INSC: variants seen among roughly 807,000 people sequenced by gnomAD.
INSC encodes the protein protein inscuteable homolog.
A neutral mutation model predicts 58.6 loss-of-function variants in INSC; 67 were observed. The observed-to-expected ratio is 1.14, with a 90% CI of 0.94 to 1.40. The LOEUF (loss-of-function observed/expected upper bound fraction) is 1.40, where lower values mean the gene tolerates loss of function less well. Among genes scored for constraint, INSC ranks in the 40% most tolerant of loss-of-function variants. The probability of loss-of-function intolerance (pLI) is 0.00; values close to 1 mark genes in which losing one functional copy is unlikely to be tolerated. For synonymous variants in INSC, 262 were observed against 276.1 expected (o/e 0.95, Z 0.51); for missense variants, 714 against 692.0 (o/e 1.03, Z -0.36).
intron 1 of INSC, among the ~76,000 whole-genome samples, chr11:15,130,002 C>T (rs1388699967): frequency 1.3e-5 from 2 of 152,224 alleles, no homozygotes; most frequent in African/African-American, 4.8e-5. Context: ...TGCTGTTATG[C>T]ACAGGCAGAT....
chr11:15,200,938 C>T lies in INSC; in HGVS notation c.808C>T (p.Gln270Ter). Residue 270 changes from glutamine (Q) to a stop codon, truncating the protein, a stop_gained, in exon 7 of 13, where the codon CAG (glutamine) becomes TAG (stop). Coordinates refer to ENST00000379556, the MANE Select transcript of INSC (RefSeq NM_001042536.3). LOFTEE classifies it high-confidence loss of function. The stretch of plus-strand genomic sequence containing the variant: ...CTGCTGCGTGGAAGAGGGTGTCCAC[C>T]AGCTGGAGAAGGTAAGGACAGCTGG... ...SICCVEEGVHQLEKVDGVLCL... is the reference protein window; with the variant it reads ...SICCVEEGVH The T allele has an allele frequency of 6.2e-7, 1 of 1,606,726 alleles. No homozygotes were observed. Among genetic ancestry groups the T allele is most frequent in the South Asian group, 1.1e-5 (1 of 89,954 alleles).
intron 2 of INSC, among the ~76,000 whole-genome samples, chr11:15,149,732 G>C (rs894472922): frequency 3.9e-5 from 6 of 152,192 alleles, no homozygotes. Flanking sequence ...AGAACATCCT[G>C]TCTGAAGAAG....
rs368344814 is a variant in INSC at position 15,239,065 on chromosome 11, C to T, written c.1384C>T (p.Arg462Trp). 5.6e-5 allele frequency: 91 copies of T among 1,612,116 alleles called. No individual in the cohort carries two copies. The highest frequency in any genetic ancestry group is 6.8e-5 in the Non-Finnish European group (80 of 1,179,428). ...RDPDVAREAV[R>W]LSCMSRLIEL... ...CCCAGATGTGGCACGGGAGGCCGTG[C>T]GGCTCAGCTGTGAGTGGTGCTTTCT... The change falls in exon 11 of 13, where the codon CGG becomes TGG. Residue 462 changes from arginine to tryptophan, a missense_variant. Coordinates refer to ENST00000379556, the MANE Select transcript of INSC (RefSeq NM_001042536.3).
chr11:15,212,954 A>T (rs1407648004), intron 7 of INSC, among the ~76,000 whole-genome samples: 1 of 152,230 alleles, frequency 6.6e-6, no homozygotes, highest in Non-Finnish European at 1.5e-5. Context: ...ATTATTAAGT[A>T]TGATACCATT....
chr11:15,193,006 A>G (rs905413831), intron 6 of INSC, among the ~76,000 whole-genome samples: 1 of 152,236 alleles, frequency 6.6e-6, no homozygotes, highest in Admixed American at 6.5e-5. Context: ...ATACAAATGA[A>G]GACGCTGAGG....
intron 1 of INSC, among the ~76,000 whole-genome samples, chr11:15,146,453 G>A (rs1400378363): frequency 6.6e-6 from 1 of 152,182 alleles, no homozygotes; most frequent in African/African-American, 2.4e-5. Context: ...TGTCCTTAGG[G>A]TGCCTCCCCA....
At chr11:15,149,631 CTTG>C (rs973510545) in intron 2 of INSC, among the ~76,000 whole-genome samples, 4 of 152,180 alleles carry the variant, frequency 2.6e-5, no homozygotes. Context: ...TTGGGAAGTA[CTTG>C]TTGTCCTGAG....
In INSC at chr11:15,128,026, T is replaced by C. The variant is rs116034096; in HGVS notation, c.-46+13023T>C. 7.7e-3 allele frequency among the ~76,000 whole-genome samples: 1,170 copies of C among 152,074 alleles called. 14 individuals are homozygous for C. Among genetic ancestry groups the C allele is most frequent in the African/African-American group, 0.027 (1,118 of 41,486 alleles). ...AAAAAAGTGAAAGAAAGAACTTGAGTTCTAATCTGGGTTCTACCACAAATT... is the reference window on the plus strand; with the variant it reads ...AAAAAAGTGAAAGAAAGAACTTGAGCTCTAATCTGGGTTCTACCACAAATT... On this transcript the variant is annotated intron_variant, in intron 1 of 12. Coordinates refer to ENST00000379556, the MANE Select transcript of INSC (RefSeq NM_001042536.3).
At chr11:15,200,690 G>C in intron 6 of INSC, 134 bp from the exon 7 acceptor site, 1 of 1,050,660 alleles carries the variant, frequency 9.5e-7, no homozygotes, top group Non-Finnish European at 1.4e-6. Context: ...GTGTAAGTGT[G>C]TGTGGGGCGG....
In INSC at chr11:15,238,500, T is replaced by A. The variant is rs141755890; in HGVS notation, c.1238-419T>A. On this transcript the variant is annotated intron_variant, in intron 10 of 12. Coordinates refer to ENST00000379556, the MANE Select transcript of INSC (RefSeq NM_001042536.3). Reference sequence around the variant, plus strand: ...ATGTGATGCTACATCTGAATTTTAATAGCGGCTCCCCCAACTGCTAACCAT... The same window carrying A: ...ATGTGATGCTACATCTGAATTTTAAAAGCGGCTCCCCCAACTGCTAACCAT... Among the ~76,000 whole-genome samples, 121 of 152,290 alleles carry A rather than the reference T, an allele frequency of 7.9e-4. 2 individuals carry two copies. The East Asian group carries it at 0.021, about 27-fold the overall frequency.
chr11:15,229,988 TATATATATATATATATATATATATA>T (rs1564917395), intron 9 of INSC, among the ~76,000 whole-genome samples: 1,050 of 29,072 alleles, frequency 0.036, 25 homozygotes, highest in African/African-American at 0.049. Context: ...ATTATATATA[TATATATATATATATATATATATATA>T]ATATATATAT....
chr11:15,179,040 T>A (rs994035182), intron 5 of INSC, among the ~76,000 whole-genome samples: 1 of 152,218 alleles, frequency 6.6e-6, no homozygotes, highest in Non-Finnish European at 1.5e-5. Flanking sequence ...TAGGCAGGCT[T>A]GTGCTTGATT....
At chr11:15,241,184 G>T (rs186419103) in intron 12 of INSC, among the ~76,000 whole-genome samples, 1 of 152,266 alleles carries the variant, frequency 6.6e-6, no homozygotes, top group East Asian at 1.9e-4. Flanking sequence ...AGGTCTCTAA[G>T]GACTCCCAAA....
At chr11:15,168,611 C>T (rs1340318401) in intron 2 of INSC, among the ~76,000 whole-genome samples, 2 of 152,182 alleles carry the variant, frequency 1.3e-5, no homozygotes, top group African/African-American at 4.8e-5. Context: ...CTAGGCCCTA[C>T]ACATTCATCA....
intron 12 of INSC, among the ~76,000 whole-genome samples, chr11:15,243,596 G>A (rs1241944500): frequency 6.6e-6 from 1 of 152,092 alleles, no homozygotes; most frequent in Admixed American, 6.5e-5. Flanking sequence ...GCTACTGTAG[G>A]GTTCATGTCC....
rs1041759776 is a variant in INSC, at chr11:15,115,107, G to C, written c.-46+104G>C. The C allele has an allele frequency of 4.1e-6, 3 of 734,760 alleles. No homozygotes were observed. In the African/African-American group the frequency reaches 5.7e-5, roughly 14 times the overall value. The allele number at this position is 734,760 out of a possible 1,614,324, so 45.5% of individuals were successfully genotyped here. A position where few individuals can be genotyped will look rare whatever the true frequency, so the allele number is the denominator to read the frequency against. On this transcript the variant is annotated intron_variant, in intron 1 of 12. Transcript: ENST00000379556. ...GTCACTAATTGGATAGTAGGTGTAA[G>C]TGTGTCAGTGGGAGTGCTTGTGAAG...
intron 1 of INSC, among the ~76,000 whole-genome samples, chr11:15,130,691 T>G (rs1590339546): frequency 1.3e-5 from 2 of 152,152 alleles, no homozygotes; most frequent in African/African-American, 4.8e-5. Flanking sequence ...TTCTCTGGGT[T>G]TGGTGTTTTC....
chr11:15,219,798 G>A (rs1851368039), intron 7 of INSC, among the ~76,000 whole-genome samples: 2 of 152,206 alleles, frequency 1.3e-5, no homozygotes, highest in African/African-American at 4.8e-5. Context: ...CTGGAAGGAG[G>A]AAAGGGATGA....
intron 9 of INSC, chr11:15,235,155 G>T: frequency 4.4e-6 from 1 of 225,936 alleles, no homozygotes; most frequent in Admixed American, 4.8e-5. Context: ...AGTAGGTGAG[G>T]GTTAGTATCC....
Sources: allele counts gnomAD v4.1 joint callset (sites outside exome capture counted in the v4.1 genomes callset), GRCh38; gene constraint gnomAD v4.1.1; transcripts MANE v1.5; gene names NCBI Gene and HGNC (gene_info 2026-07-23, HGNC 2026-07-21).